The following FBLN5 variants were observed in gnomAD, a reference collection of about 807,000 sequenced individuals.
FBLN5 encodes the protein fibulin-5.
In FBLN5, 24 loss-of-function variants were observed where a neutral mutation model predicts 61.6. That is an observed-to-expected ratio of 0.39 (90% CI 0.28 to 0.55). The LOEUF is 0.55. Among genes scored for constraint, FBLN5 ranks in the 20% least tolerant of loss-of-function variants. FBLN5 has a pLI of 0.65. For missense variants in FBLN5, 470 were observed against 594.1 expected (o/e 0.79, Z 2.17); for synonymous variants, 213 against 219.8 (o/e 0.97, Z 0.27).
chr14:91,937,121 T>C lies in FBLN5; in HGVS notation c.205A>G (p.Ile69Val). ...CVNQNGGYLC[I>V]PRTNPVYRGP... ...CGATACACAGGGTTTGTCCGGGGAATGCATAAATACCCGCCATTTTGGTTA... is the reference window on the plus strand; with the variant it reads ...CGATACACAGGGTTTGTCCGGGGAACGCATAAATACCCGCCATTTTGGTTA... Residue 69 changes from isoleucine (I) to valine (V), a missense_variant, in exon 4 of 11, where the codon ATT becomes GTT. By Grantham distance (29) the Ile-to-Val change is conservative. Transcript: ENST00000342058. 1 of 1,614,064 alleles carries C rather than the reference T, an allele frequency of 6.2e-7. No individual in the cohort carries two copies. Among genetic ancestry groups the C allele is most frequent in the Non-Finnish European group, 8.5e-7 (1 of 1,180,014 alleles).
intron 4 of FBLN5, among the ~76,000 whole-genome samples, chr14:91,932,903 A>G (rs2055949869): frequency 6.6e-6 from 1 of 152,260 alleles, no homozygotes; most frequent in Non-Finnish European, 1.5e-5. Context: ...TCTGATTTCA[A>G]CAAACCAACA....
At chr14:91,921,611 G>A (rs755518862) in intron 4 of FBLN5, among the ~76,000 whole-genome samples, 4 of 152,144 alleles carry the variant, frequency 2.6e-5, no homozygotes, top group African/African-American at 9.7e-5. Context: ...GAAGGCCTCC[G>A]GTGGATTTAA....
At chr14:91,932,001 G>C (rs1019980921) in intron 4 of FBLN5, among the ~76,000 whole-genome samples, 12 of 152,190 alleles carry the variant, frequency 7.9e-5, no homozygotes, top group Admixed American at 7.9e-4. Flanking sequence ...CTACGTATGT[G>C]TTTGATTTGG....
chr14:91,901,691 C>T (rs762388098), intron 4 of FBLN5, among the ~76,000 whole-genome samples: 21 of 152,294 alleles, frequency 1.4e-4, no homozygotes, highest in Admixed American at 2.0e-4. Context: ...AACTCGCTGT[C>T]GAATTCCTAG....
At chr14:91,931,328 A>T (rs548346965) in intron 4 of FBLN5, among the ~76,000 whole-genome samples, 110 of 152,224 alleles carry the variant, frequency 7.2e-4, no homozygotes, top group African/African-American at 2.6e-3. Context: ...CTCTAGAGAG[A>T]GCTCCGTGGC....
At chr14:91,891,587 G>C (rs1399800173) in intron 5 of FBLN5, among the ~76,000 whole-genome samples, 1 of 152,138 alleles carries the variant, frequency 6.6e-6, no homozygotes, top group Middle Eastern at 3.2e-3. Context: ...TATCCTAAAA[G>C]TTGCAGAAGA....
At chr14:91,904,415 G>A (rs1721709832) in intron 4 of FBLN5, among the ~76,000 whole-genome samples, 2 of 152,156 alleles carry the variant, frequency 1.3e-5, no homozygotes. Flanking sequence ...GCCTCAGGCT[G>A]AGGCTCACAG....
chr14:91,880,723 G>C (rs1193308423), intron 9 of FBLN5, among the ~76,000 whole-genome samples: 3 of 151,982 alleles, frequency 2.0e-5, no homozygotes, highest in Middle Eastern at 3.4e-3. Context: ...AATTTTTTTG[G>C]TATTTTTAGT....
chr14:91,894,821 A>ACCCCCCCCCCCCC, intron 5 of FBLN5, 129 bp downstream of exon 5: 3 of 448,484 alleles, frequency 6.7e-6, no homozygotes, highest in East Asian at 6.3e-5. Flanking sequence ...ATAGCCTTCC[A>ACCCCCCCCCCCCC]CCCCTCCCGC....
intron 1 of FBLN5, chr14:91,946,637 A>G: frequency 8.2e-7 from 1 of 1,215,888 alleles, no homozygotes; most frequent in East Asian, 2.5e-5. Context: ...TCATTTAGGT[A>G]AAGTTCTCCA....
In FBLN5 at chr14:91,887,211, C is replaced by G. The variant is rs755487864; in HGVS notation, c.721G>C (p.Asp241His). Reference sequence around the variant, plus strand: ...CCATTACCACTGCAATGAACGCCATCTTCCTCAAGTTCATATCCTGGGTCA... The same window carrying G: ...CCATTACCACTGCAATGAACGCCATGTTCCTCAAGTTCATATCCTGGGTCA... Reference protein sequence around the residue: ...RCDPGYELEEDGVHCSDMDEC... With the variant: ...RCDPGYELEEHGVHCSDMDEC... The change falls in exon 7 of 11, where the codon GAT becomes CAT. Residue 241 changes from aspartate to histidine, a missense_variant. Physicochemically the swap from Asp to His is moderately conservative, Grantham distance 81 (BLOSUM62 -1). Transcript: ENST00000342058. 1 of 1,614,032 alleles carries G rather than the reference C, an allele frequency of 6.2e-7. No individual in the cohort carries two copies. Among genetic ancestry groups the G allele is most frequent in the Non-Finnish European group, 8.5e-7 (1 of 1,180,000 alleles).
chr14:91,932,418 C>T (rs2055939736), intron 4 of FBLN5, among the ~76,000 whole-genome samples: 1 of 152,186 alleles, frequency 6.6e-6, no homozygotes, highest in Non-Finnish European at 1.5e-5. Flanking sequence ...GGACTGGCCA[C>T]CCAGGTGCTG....
At position 91,887,198 on chromosome 14, in the gene FBLN5, C is replaced by G; in HGVS notation, c.734G>C (p.Cys245Ser). Residue 245 changes from cysteine (C) to serine (S), a missense_variant, in exon 7 of 11, where the codon TGC becomes TCC. Transcript: ENST00000342058. ...GYELEEDGVHCSDMDECSFSE... is the reference protein window; with the variant it reads ...GYELEEDGVHSSDMDECSFSE... ...CCAATGCGAAAGCCCATTACCACTG[C>G]AATGAACGCCATCTTCCTCAAGTTC... 1 of 1,614,018 alleles carries G rather than the reference C, an allele frequency of 6.2e-7. No individual in the cohort carries two copies. The highest frequency in any genetic ancestry group is 8.5e-7 in the Non-Finnish European group (1 of 1,179,982).
chr14:91,941,791 G>A (rs1210838293), intron 2 of FBLN5, among the ~76,000 whole-genome samples: 2 of 151,862 alleles, frequency 1.3e-5, no homozygotes, highest in Admixed American at 6.6e-5. Flanking sequence ...GGGGGGGTAT[G>A]TACGTAGTTC....
intron 7 of FBLN5, among the ~76,000 whole-genome samples, chr14:91,883,644 G>GGAAAAAAAA (rs1555375076): frequency 3.8e-5 from 1 of 26,520 alleles, no homozygotes; most frequent in Non-Finnish European, 1.3e-4. Flanking sequence ...ACTTCACTGT[G>GGAAAAAAAA]TAAAAAAAAA....
chr14:91,937,446 A>G (rs999765106), intron 3 of FBLN5, among the ~76,000 whole-genome samples: 1 of 152,146 alleles, frequency 6.6e-6, no homozygotes, highest in Non-Finnish European at 1.5e-5. Context: ...AAACCTTGCT[A>G]TAGTTTGAAT....
At chr14:91,891,126 CA>C in intron 6 of FBLN5, 94 bp downstream of exon 6, 3 of 794,180 alleles carry the variant, frequency 3.8e-6, no homozygotes, top group Non-Finnish European at 6.9e-6. Flanking sequence ...TATACTGTAG[CA>C]GCAGTATTTC....
intron 4 of FBLN5, among the ~76,000 whole-genome samples, chr14:91,899,143 CGT>C (rs59077653): frequency 1.2e-4 from 18 of 149,612 alleles, no homozygotes; most frequent in Middle Eastern, 3.5e-3. Context: ...GCTGTGTGTT[CGT>C]GTGTGTGTGT....
chr14:91,947,657 C>T lies in FBLN5; in HGVS notation c.-428G>A, dbSNP rs886050893. 3.7e-5 allele frequency: 6 copies of T among 162,932 alleles called. No individual in the cohort carries two copies. The South Asian group carries it at 1.1e-3, about 30-fold the overall frequency. The allele number at this position is 162,932 out of a possible 1,614,324, so 10.1% of individuals were successfully genotyped here. A position where few individuals can be genotyped will look rare whatever the true frequency, so the allele number is the denominator to read the frequency against. ...CTCGGCGCTGGGAGGAGAGCCCTTC[C>T]CCGGCCGCGCTCGGCTGCGAGCGCC... On this transcript the variant is annotated 5_prime_UTR_variant, in exon 1 of 11. Transcript: ENST00000342058. The surrounding 1 kb of genome is among the most constrained non-coding windows in gnomAD (Gnocchi z 4.3).
Sources: allele counts gnomAD v4.1 joint callset (sites outside exome capture counted in the v4.1 genomes callset), GRCh38; gene constraint gnomAD v4.1.1; non-coding constraint Gnocchi (gnomAD v3.1); transcripts MANE v1.5; gene names NCBI Gene and HGNC (gene_info 2026-07-23, HGNC 2026-07-21).